The following PRKCZ variants were observed in gnomAD, a reference collection of about 807,000 sequenced individuals.
The protein encoded by PRKCZ is protein kinase C zeta type.
A neutral mutation model predicts 79.5 loss-of-function variants in PRKCZ; 33 were observed. That is an observed-to-expected ratio of 0.41 (90% CI 0.31 to 0.55). The LOEUF (loss-of-function observed/expected upper bound fraction) is 0.55. Among genes scored for constraint, PRKCZ ranks in the 20% least tolerant of loss-of-function variants. The pLI is 0.19. For synonymous variants in PRKCZ, 342 were observed against 320.9 expected, an observed-to-expected ratio of 1.07 and a Z score of -0.70; for missense variants, 578 against 813.5, an observed-to-expected ratio of 0.71 and a Z score of 3.52.
At position 2,125,551 on chromosome 1, in the gene PRKCZ, G is replaced by T. The variant is rs1673700241; in HGVS notation, c.335-9711G>T. Reference sequence around the variant, plus strand: ...CACCCCTGCTCCCCTGAGGAGGGAGGCGTGGGGCCCTGGGCTGGCTGCAAG... The same window carrying T: ...CACCCCTGCTCCCCTGAGGAGGGAGTCGTGGGGCCCTGGGCTGGCTGCAAG... On this transcript the variant is annotated intron_variant, in intron 4 of 17. Coordinates refer to ENST00000378567, the MANE Select transcript of PRKCZ (RefSeq NM_002744.6). This position sits in a 1 kb window ranked among gnomAD's most constrained non-coding sequence, Gnocchi z 4.2. Among the ~76,000 whole-genome samples the T allele has an allele frequency of 6.6e-6, 1 of 152,178 alleles. No homozygotes were observed.
chr1:2,146,640 A>C (rs978665676), intron 7 of PRKCZ, among the ~76,000 whole-genome samples: 22 of 152,214 alleles, frequency 1.4e-4, no homozygotes, highest in Non-Finnish European at 1.9e-4. Flanking sequence ...AGTTGGACTT[A>C]CAGCCCAGGT....
intron 4 of PRKCZ, among the ~76,000 whole-genome samples, chr1:2,088,166 C>T (rs1427035474): frequency 6.6e-6 from 1 of 152,192 alleles, no homozygotes; most frequent in Non-Finnish European, 1.5e-5. Flanking sequence ...GCAGTGTCCT[C>T]ACCTACCTGG....
intron 4 of PRKCZ, among the ~76,000 whole-genome samples, chr1:2,091,685 G>T (rs1417722323): frequency 6.6e-6 from 1 of 152,150 alleles, no homozygotes; most frequent in Admixed American, 6.5e-5. Context: ...TCCTTTGCCC[G>T]TTTTGTAATT....
At chr1:2,152,559 G>A (rs1047125350) in intron 9 of PRKCZ, among the ~76,000 whole-genome samples, 1 of 152,168 alleles carries the variant, frequency 6.6e-6, no homozygotes, top group Non-Finnish European at 1.5e-5. Flanking sequence ...TGCAAACAAA[G>A]TGTACAGTTA....
intron 4 of PRKCZ, among the ~76,000 whole-genome samples, chr1:2,108,554 G>T (rs764649269): frequency 6.6e-6 from 1 of 152,248 alleles, no homozygotes; most frequent in South Asian, 2.1e-4. Flanking sequence ...GGCCATGTGC[G>T]TGACAGTGGA....
chr1:2,166,085 C>G (rs960433091), intron 10 of PRKCZ, among the ~76,000 whole-genome samples: 8 of 152,278 alleles, frequency 5.3e-5, no homozygotes, highest in Middle Eastern at 6.8e-3. Flanking sequence ...GTTGATGAAT[C>G]CATTTTTGCT....
Position 2,073,789 on chromosome 1 carries a change from C to T in PRKCZ, c.334+14198C>T, listed in dbSNP as rs577625422. ...CCGTTAAATATCTGCTCCTCGCGCT[C>T]GAGCCTCCCTGCCTATTGTCGGGGC... On this transcript the variant is annotated intron_variant, in intron 4 of 17. Transcript: ENST00000378567. 6.7e-5 allele frequency: 68 copies of T among 1,020,012 alleles called. No homozygotes were observed. In the South Asian group the frequency reaches 1.8e-3, roughly 27 times the overall value. The allele number at this position is 1,020,012 out of a possible 1,614,324, so 63.2% of individuals were successfully genotyped here. A position where few individuals can be genotyped will look rare whatever the true frequency, so the allele number is the denominator to read the frequency against.
chr1:2,050,548 C>T lies in PRKCZ; in HGVS notation c.-83C>T. 1.1e-6 allele frequency: 1 copy of T among 894,856 alleles called. No individual in the cohort carries two copies. The highest frequency in any genetic ancestry group is 1.5e-6 in the Non-Finnish European group (1 of 688,328). The allele number at this position is 894,856 out of a possible 1,614,324, so 55.4% of individuals were successfully genotyped here. A position where few individuals can be genotyped will look rare whatever the true frequency, so the allele number is the denominator to read the frequency against. On this transcript the variant is annotated 5_prime_UTR_variant, in exon 1 of 18. Coordinates refer to ENST00000378567, the MANE Select transcript of PRKCZ (RefSeq NM_002744.6). ...CTGAGCGCTGCCTTCCGCGTTCCGC[C>T]GCGGCCCCACCTGGAGCCCCCGCCC... is the stretch of plus-strand genomic sequence containing the variant.
At chr1:2,085,493 C>G (rs2102427160) in intron 4 of PRKCZ, among the ~76,000 whole-genome samples, 1 of 152,380 alleles carries the variant, frequency 6.6e-6, no homozygotes, top group South Asian at 2.1e-4. Context: ...TGCTTTTTGC[C>G]AAACCTCACA....
At chr1:2,104,004 T>G (rs1667937658) in intron 4 of PRKCZ, among the ~76,000 whole-genome samples, 15 of 152,238 alleles carry the variant, frequency 9.9e-5, no homozygotes, top group Admixed American at 9.8e-4. Flanking sequence ...TCCACACAGA[T>G]GACAGCACCG....
In PRKCZ at chr1:2,174,726, A is replaced by G; in HGVS notation, c.1406-28A>G. 6.2e-7 allele frequency: 1 copy of G among 1,608,176 alleles called. No individual in the cohort carries two copies. Among genetic ancestry groups the G allele is most frequent in the Non-Finnish European group, 8.5e-7 (1 of 1,174,790 alleles). On this transcript the variant is annotated intron_variant, in intron 14 of 17. Coordinates refer to ENST00000378567, the MANE Select transcript of PRKCZ (RefSeq NM_002744.6). The surrounding 1 kb of genome is among the most constrained non-coding windows in gnomAD (Gnocchi z 6.2). ...TGGGCAAATGGCACACAACACAGGC[A>G]AGTCCTCACCAGGCTCCGCCCTTGC...
chr1:2,169,070 T>G (rs907653266), intron 10 of PRKCZ: 13 of 449,730 alleles, frequency 2.9e-5, no homozygotes, highest in Non-Finnish European at 5.4e-5. Context: ...CTCCTCAGCC[T>G]TGCAGCAATG....
intron 7 of PRKCZ, among the ~76,000 whole-genome samples, chr1:2,147,527 T>C (rs1678861216): frequency 6.6e-6 from 1 of 151,256 alleles, no homozygotes; most frequent in South Asian, 2.1e-4. Flanking sequence ...ATCTATCTGT[T>C]GTCCACTGAC....
At chr1:2,148,631 A>T (rs185232878) in intron 7 of PRKCZ, among the ~76,000 whole-genome samples, 12 of 152,264 alleles carry the variant, frequency 7.9e-5, no homozygotes, top group Non-Finnish European at 8.8e-5. Flanking sequence ...TTGCAGATGG[A>T]CCCCTGGGGA....
At chr1:2,122,236 C>T (rs868143632) in intron 4 of PRKCZ, among the ~76,000 whole-genome samples, 1 of 1,882 alleles carries the variant, frequency 5.3e-4, no homozygotes, top group Non-Finnish European at 8.6e-4. Flanking sequence ...AGGGTCGTGG[C>T]GGTGGTTAGG....
rs777347524 is a variant in PRKCZ at position 2,184,708 on chromosome 1, A to C, written c.1691+10A>C. ...TGACCCCAGACGATGAGTGAGTCCC[A>C]CTGGGTGCGGGTCCCTGGAGCACCC... On this transcript the variant is annotated intron_variant, in intron 17 of 17. Coordinates refer to ENST00000378567, the MANE Select transcript of PRKCZ (RefSeq NM_002744.6). 5 of 1,609,666 alleles carry C rather than the reference A, an allele frequency of 3.1e-6. No individual in the cohort carries two copies. In the South Asian group the frequency reaches 4.4e-5, roughly 14 times the overall value.
At chr1:2,085,263 A>G (rs1336147138) in intron 4 of PRKCZ, among the ~76,000 whole-genome samples, 1 of 152,196 alleles carries the variant, frequency 6.6e-6, no homozygotes, top group African/African-American at 2.4e-5. Context: ...CATCCGCCCT[A>G]CCTGGCGTGG....
In PRKCZ at chr1:2,094,231, A is replaced by C. The variant is rs1666025303; in HGVS notation, c.334+34640A>C. Among the ~76,000 whole-genome samples the C allele has an allele frequency of 6.6e-6, 1 of 152,036 alleles. No individual in the cohort carries two copies. Among genetic ancestry groups the C allele is most frequent in the South Asian group, 2.1e-4 (1 of 4,832 alleles). ...CGGGAGCTGGAAGGGACGTGGTTCC[A>C]GTCCTGCTGTGCCAAGCCTGGTGAC... On this transcript the variant is annotated intron_variant, in intron 4 of 17. Coordinates refer to ENST00000378567, the MANE Select transcript of PRKCZ (RefSeq NM_002744.6). This position sits in a 1 kb window ranked among gnomAD's most constrained non-coding sequence, Gnocchi z 7.3.
At chr1:2,102,606 A>G (rs1056554422) in intron 4 of PRKCZ, among the ~76,000 whole-genome samples, 4 of 152,138 alleles carry the variant, frequency 2.6e-5, no homozygotes, top group Admixed American at 6.5e-5. Context: ...TGCTAGGATT[A>G]CAGGTGTGAG....
Sources: gnomAD v4.1 joint callset for allele counts (sites outside exome capture counted in the v4.1 genomes callset) on GRCh38, gnomAD v4.1.1 for gene constraint, Gnocchi (gnomAD v3.1) non-coding constraint, MANE v1.5 for transcripts, NCBI Gene and HGNC (gene_info 2026-07-23, HGNC 2026-07-21) for gene names.